The following NCOA2 variants were observed in gnomAD, a reference collection of about 807,000 sequenced individuals.
NCOA2 encodes the protein class E basic helix-loop-helix protein 75.
In NCOA2, 21 loss-of-function variants were observed where a neutral mutation model predicts 145.1. The observed-to-expected ratio is 0.14, with a 90% CI of 0.10 to 0.21. The LOEUF is 0.21. Ranked by LOEUF, NCOA2 falls within the 10% of genes least tolerant of loss-of-function variation. The pLI is 1.00. For synonymous variants in NCOA2, 619 were observed against 637.5 expected (o/e 0.97, Z 0.44); for missense variants, 1,472 against 1,837.6 (o/e 0.80, Z 3.64).
intron 19 of NCOA2, 38 bp from the exon 20 acceptor site, chr8:70,124,903 C>T (rs2131414137): frequency 1.3e-6 from 2 of 1,536,738 alleles, no homozygotes; most frequent in Middle Eastern, 1.8e-4. Flanking sequence ...CCAAAAGAGA[C>T]TGTTAGTTAT....
chr8:70,212,117 A>T (rs1819107567), intron 4 of NCOA2, among the ~76,000 whole-genome samples: 1 of 150,800 alleles, frequency 6.6e-6, no homozygotes, highest in Admixed American at 6.6e-5. Context: ...TGAAATGTAG[A>T]AGTACTACCT....
chr8:70,206,203 T>TA (rs1159663962), intron 4 of NCOA2, among the ~76,000 whole-genome samples: 2 of 152,194 alleles, frequency 1.3e-5, no homozygotes, highest in African/African-American at 4.8e-5. Flanking sequence ...AACTATAAAC[T>TA]AAGATATTTA....
At chr8:70,138,090 GATAATATAGTACCA>G in intron 15 of NCOA2, 99 bp downstream of exon 15, 1 of 1,173,286 alleles carries the variant, frequency 8.5e-7, no homozygotes, top group Non-Finnish European at 1.2e-6. Context: ...CTGCACAGTA[GATAATATAGTACCA>G]ATAAATGAAA....
chr8:70,418,465 G>A, the NCOA2 span, among the ~76,000 whole-genome samples: 6 of 152,160 alleles, frequency 3.9e-5, no homozygotes, highest in African/African-American at 1.4e-4. Flanking sequence ...CCTCCTTCCA[G>A]AGACTCCTGT....
intron 1 of NCOA2, among the ~76,000 whole-genome samples, chr8:70,301,655 C>CAAAAAAAAAAAAA (rs71275063): frequency 3.3e-5 from 2 of 60,166 alleles, no homozygotes; most frequent in Non-Finnish European, 5.9e-5. Flanking sequence ...GACCCTTTCT[C>CAAAAAAAAAAAAA]AAAAAAAAAA....
chr8:70,288,839 A>C (rs1826448460), intron 2 of NCOA2, among the ~76,000 whole-genome samples: 1 of 152,256 alleles, frequency 6.6e-6, no homozygotes, highest in Non-Finnish European at 1.5e-5. Flanking sequence ...TGTGTCAGAC[A>C]ATAAAGATTT....
chr8:70,418,523 A>G, the NCOA2 span, among the ~76,000 whole-genome samples: 1 of 152,146 alleles, frequency 6.6e-6, no homozygotes, highest in Non-Finnish European at 1.5e-5. Context: ...GGCAATATGG[A>G]CTTCCAATCA....
intron 2 of NCOA2, among the ~76,000 whole-genome samples, chr8:70,289,904 A>G (rs978004443): frequency 3.3e-5 from 5 of 152,012 alleles, no homozygotes; most frequent in Non-Finnish European, 7.4e-5. Flanking sequence ...GGTAATCAGG[A>G]CACACTACAG....
intron 22 of NCOA2, among the ~76,000 whole-genome samples, chr8:70,116,536 G>T (rs1328113194): frequency 6.6e-6 from 1 of 151,194 alleles, no homozygotes; most frequent in East Asian, 1.9e-4. Flanking sequence ...GGTCGACACA[G>T]AGTCCGTCTC....
chr8:70,267,524 A>G (rs1262521332), intron 2 of NCOA2, among the ~76,000 whole-genome samples: 2 of 151,832 alleles, frequency 1.3e-5, no homozygotes, highest in Non-Finnish European at 2.9e-5. Context: ...CAGCCTCCCA[A>G]GAAGCTGGGA....
rs369073278 is a variant in NCOA2, at chr8:70,166,548, C to G, written c.730+18G>C. The stretch of plus-strand genomic sequence containing the variant: ...TAAATACACAGACACACAGAACACC[C>G]TAGGGATTCTGTCCCACCTTCTCCT... On this transcript the variant is annotated intron_variant, in intron 7 of 22. Coordinates refer to ENST00000452400, the MANE Select transcript of NCOA2 (RefSeq NM_006540.4). 41 of 1,611,512 alleles carry G rather than the reference C, an allele frequency of 2.5e-5. No individual in the cohort carries two copies. In the African/African-American group the frequency reaches 3.2e-4, roughly 13 times the overall value.
In NCOA2 at chr8:70,371,150, G is replaced by A. The variant is rs907679858; in HGVS notation, c.-77+32550C>T. ...AAAAATACAAAAAAATCAGCCGGGC[G>A]TGGTGGCAGGCGCCTATAGTCCCAG... is the stretch of plus-strand genomic sequence containing the variant. On this transcript the variant is annotated intron_variant, in intron 1 of 22. Coordinates refer to ENST00000452400, the MANE Select transcript of NCOA2 (RefSeq NM_006540.4). Among the ~76,000 whole-genome samples the A allele has an allele frequency of 5.3e-5, 8 of 152,130 alleles. No individual in the cohort carries two copies. In the South Asian group the frequency reaches 8.3e-4, roughly 16 times the overall value.
chr8:70,207,862 C>CAAAAAAAAAAAAAAAAAAA (rs754670876), intron 4 of NCOA2, among the ~76,000 whole-genome samples: 1 of 36,206 alleles, frequency 2.8e-5, no homozygotes, highest in African/African-American at 1.1e-4. Context: ...GACTCCACCT[C>CAAAAAAAAAAAAAAAAAAA]AAAAAAAAAA....
chr8:70,234,281 T>C (rs979133021), intron 2 of NCOA2, among the ~76,000 whole-genome samples: 10 of 152,224 alleles, frequency 6.6e-5, no homozygotes, highest in African/African-American at 2.4e-4. Context: ...TTTGGGTTGT[T>C]TCTACTTTTT....
chr8:70,287,621 C>CCT (rs1450634975), intron 2 of NCOA2, among the ~76,000 whole-genome samples: 12 of 152,156 alleles, frequency 7.9e-5, no homozygotes, highest in African/African-American at 2.7e-4. Flanking sequence ...AAACACACAT[C>CCT]CTATTGAAAG....
intron 1 of NCOA2, among the ~76,000 whole-genome samples, chr8:70,301,674 A>AAG (rs937682863): frequency 1.3e-4 from 20 of 150,682 alleles, no homozygotes; most frequent in Non-Finnish European, 2.2e-4. Flanking sequence ...AAAAAAAAAA[A>AAG]AAAAAAGAAA....
Position 70,113,025 on chromosome 8 carries a change from T to C in NCOA2, c.*607A>G, listed in dbSNP as rs1377557770. 4 of 200,006 alleles carry C rather than the reference T, an allele frequency of 2.0e-5. No individual in the cohort carries two copies. The highest frequency in any genetic ancestry group is 4.6e-5 in the African/African-American group (2 of 43,538). 12.4% of individuals were successfully genotyped at this position (200,006 alleles called of 1,614,324 possible). On this transcript the variant is annotated 3_prime_UTR_variant, in exon 23 of 23. Transcript: ENST00000452400. Reference sequence around the variant, plus strand: ...TGGAGACTCTTTCCAACATGGTCTTTAGAGCTTTCTAGAGATACGACTGTG... The same window carrying C: ...TGGAGACTCTTTCCAACATGGTCTTCAGAGCTTTCTAGAGATACGACTGTG...
chr8:70,440,801 T>A, the NCOA2 span, among the ~76,000 whole-genome samples: 22 of 113,936 alleles, frequency 1.9e-4, no homozygotes, highest in African/African-American at 2.9e-4. Context: ...GAAAAAGAAA[T>A]AAAGACAAGA....
At chr8:70,196,352 G>A (rs958674434) in intron 4 of NCOA2, among the ~76,000 whole-genome samples, 1 of 152,076 alleles carries the variant, frequency 6.6e-6, no homozygotes, top group Admixed American at 6.6e-5. Flanking sequence ...CTCCAGCCTG[G>A]GCAACAGGGC....
Sources: allele counts gnomAD v4.1 joint callset (sites outside exome capture counted in the v4.1 genomes callset), GRCh38; gene constraint gnomAD v4.1.1; transcripts MANE v1.5; gene names NCBI Gene and HGNC (gene_info 2026-07-23, HGNC 2026-07-21).